GPR135: variants seen among roughly 807,000 people sequenced by gnomAD.
GPR135 encodes G-protein coupled receptor 135.
In GPR135, 17 loss-of-function variants were observed where a neutral mutation model predicts 15.0. That is an observed-to-expected ratio of 1.13 (90% CI 0.78 to 1.70). The LOEUF (loss-of-function observed/expected upper bound fraction) is 1.70. GPR135 is among the 40% of genes most tolerant of loss of function. The probability of loss-of-function intolerance (pLI) is 0.00; values close to 1 mark genes in which losing one functional copy is unlikely to be tolerated. For synonymous variants in GPR135, 368 were observed against 349.4 expected (o/e 1.05, Z -0.59); for missense variants, 776 against 727.0 (o/e 1.07, Z -0.78).
Position 59,462,809 on chromosome 14 carries a change from CCTT to C in GPR135, c.*930_*932del, listed in dbSNP as rs1888916912. ...AATTTAAATAAAGTGGCATCACTCA[CCTT>C]ATTCAATCAACTTGACTTCAAATTA... is the stretch of plus-strand genomic sequence containing the variant. On this transcript the variant is annotated 3_prime_UTR_variant, in exon 1 of 1. Transcript: ENST00000395116. 1 of 152,148 alleles carries C rather than the reference CCTT, an allele frequency of 6.6e-6. No individual in the cohort carries two copies. Among genetic ancestry groups the C allele is most frequent in the Non-Finnish European group, 1.5e-5 (1 of 68,018 alleles). 9.4% of individuals were successfully genotyped at this position (152,148 alleles called of 1,614,324 possible). A position where few individuals can be genotyped will look rare whatever the true frequency, so the allele number is the denominator to read the frequency against.
chr14:59,464,795 C>A lies in GPR135; in HGVS notation c.432G>T (p.Ser144=). The stretch of plus-strand genomic sequence containing the variant: ...CCGTGAGCAGATCCGATAGGGACAG[C>A]GACAGGATGAAGGCGTTGGTGACGG... The part of the protein sequence containing the change: ...LRTVTNAFIL[S]LSLSDLLTAL... The change falls in exon 1 of 1, where the codon TCG becomes TCT. Residue 144 remains serine (S), a synonymous_variant. Transcript: ENST00000395116. 10 of 1,577,486 alleles carry A rather than the reference C, an allele frequency of 6.3e-6. No homozygotes were observed. Among genetic ancestry groups the A allele is most frequent in the South Asian group, 1.2e-5 (1 of 86,414 alleles).
chr14:59,462,282 A>C lies in GPR135; in HGVS notation c.*1460T>G, dbSNP rs1170006182. 6.6e-6 allele frequency: 1 copy of C among 152,240 alleles called. No homozygotes were observed. The allele number at this position is 152,240 out of a possible 1,614,324, so 9.4% of individuals were successfully genotyped here. A position where few individuals can be genotyped will look rare whatever the true frequency, so the allele number is the denominator to read the frequency against. On this transcript the variant is annotated 3_prime_UTR_variant, in exon 1 of 1. Coordinates refer to ENST00000395116, the MANE Select transcript of GPR135 (RefSeq NM_022571.6). ...CTGAAGAAAAGGGGCAGGATGGAGG[A>C]AAAGAAAGGGAAAAATAATATTTAA...
downstream of GPR135, among the ~76,000 whole-genome samples, chr14:59,457,665 C>CT (rs901134400): frequency 6.6e-6 from 1 of 151,964 alleles, no homozygotes; most frequent in African/African-American, 2.4e-5. Context: ...TTCCATGTTT[C>CT]TTTTTTTATA....
chr14:59,463,798 G>A lies in GPR135; in HGVS notation c.1429C>T (p.Pro477Ser). 1 of 1,613,876 alleles carries A rather than the reference G, an allele frequency of 6.2e-7. No homozygotes were observed. The highest frequency in any genetic ancestry group is 1.7e-4 in the Middle Eastern group (1 of 6,060). ...VLFCREGPPE[P>S]VTAVTKQPKS... is the part of the protein sequence containing the mutation. Reference sequence around the variant, plus strand: ...GGCTGTTTGGTCACTGCCGTCACCGGCTCTGGTGGTCCCTCTCGGCAGAAA... The same window carrying A: ...GGCTGTTTGGTCACTGCCGTCACCGACTCTGGTGGTCCCTCTCGGCAGAAA... The change falls in exon 1 of 1, where the codon CCG (proline) becomes TCG (serine). Residue 477 changes from proline to serine, a missense_variant. Physicochemically the swap from Pro to Ser is moderately conservative, Grantham distance 74. Transcript: ENST00000395116.
chr14:59,456,668 G>T (rs1003957589), downstream of GPR135: 2 of 152,176 alleles, frequency 1.3e-5, no homozygotes, highest in African/African-American at 4.8e-5. Context: ...AATGTTTTAT[G>T]TGTAAGTTGC....
At chr14:59,460,000 G>A (rs1338446876), downstream of GPR135, among the ~76,000 whole-genome samples, 3 of 152,316 alleles carry the variant, frequency 2.0e-5, no homozygotes, top group South Asian at 6.2e-4. Context: ...TGTATCTGAT[G>A]TCTTCTATTT....
In GPR135 at chr14:59,465,145, C is replaced by T. The variant is rs1392419763; in HGVS notation, c.82G>A (p.Gly28Ser). ...GCGGAGGAAGTCCCGCCAGGTGGGC[C>T]GGCCGCGGAGGGGGCGCCGGAGTGC... ...SQHSGAPSAA[G>S]PPGGTSSAAT... The change falls in exon 1 of 1, where the codon GGC becomes AGC. Residue 28 changes from glycine (G) to serine (S), a missense_variant. Gly to Ser is a moderately conservative substitution (Grantham distance 56). Transcript: ENST00000395116. The T allele has an allele frequency of 7.4e-7, 1 of 1,353,588 alleles. No homozygotes were observed. The highest frequency in any genetic ancestry group is 9.5e-7 in the Non-Finnish European group (1 of 1,053,646). The allele number at this position is 1,353,588 out of a possible 1,614,324, so 83.8% of individuals were successfully genotyped here.
Position 59,465,246 on chromosome 14 carries a change from G to C in GPR135, c.-20C>G. The C allele has an allele frequency of 4.9e-6, 6 of 1,229,568 alleles. No individual in the cohort carries two copies. Among genetic ancestry groups the C allele is most frequent in the Non-Finnish European group, 5.1e-6 (5 of 986,394 alleles). 76.2% of individuals were successfully genotyped at this position (1,229,568 alleles called of 1,614,324 possible). The stretch of plus-strand genomic sequence containing the variant: ...CTCCATGGGGCCCAGTGGCGGCCGC[G>C]GATCTCCTCATCCCGCACCGGGGGC... On this transcript the variant is annotated 5_prime_UTR_variant, in exon 1 of 1. Transcript: ENST00000395116.
downstream of GPR135, chr14:59,458,769 C>A (rs939425700): frequency 1.3e-5 from 2 of 152,170 alleles, no homozygotes; most frequent in African/African-American, 4.8e-5. Flanking sequence ...CCCAGTATTC[C>A]CAGCATGCCA....
downstream of GPR135, chr14:59,460,234 A>G (rs991329804): frequency 2.6e-5 from 4 of 152,252 alleles, no homozygotes; most frequent in Non-Finnish European, 5.9e-5. Context: ...GTTCAGATGC[A>G]CTGGAGCAGG....
At chr14:59,456,097 T>C (rs941779625), downstream of GPR135, among the ~76,000 whole-genome samples, 2 of 152,184 alleles carry the variant, frequency 1.3e-5, no homozygotes, top group East Asian at 1.9e-4. Context: ...GCAAGTCATC[T>C]TGCAAACATA....
At position 59,453,958 on chromosome 14, in the gene GPR135, C is replaced by T. The variant is rs571432984; in HGVS notation, c.*874+1726G>A. 1.5e-4 allele frequency among the ~76,000 whole-genome samples: 23 copies of T among 152,258 alleles called. No homozygotes were observed. In the South Asian group the frequency reaches 4.8e-3, roughly 32 times the overall value. On this transcript the variant is annotated intron_variant and NMD_transcript_variant, in intron 6 of 6. Coordinates refer to the GPR135 transcript ENST00000481661. ...GCGGAAAACCAAGAAAGAGTAAAAACATGAACACCAGGACAAGAACATTTC... is the reference window on the plus strand; with the variant it reads ...GCGGAAAACCAAGAAAGAGTAAAAATATGAACACCAGGACAAGAACATTTC...
rs577378759 is a variant in GPR135 at position 59,463,628 on chromosome 14, G to A, written c.*114C>T. On this transcript the variant is annotated 3_prime_UTR_variant, in exon 1 of 1. Transcript: ENST00000395116. ...TTGGGGAAAGTGGTAAGCCTCCCCC[G>A]TCTCTAGCTTTAAATGTTTGGCTTT... 10 of 1,016,276 alleles carry A rather than the reference G, an allele frequency of 9.8e-6. No individual in the cohort carries two copies. The highest frequency in any genetic ancestry group is 2.6e-5 in the East Asian group (1 of 38,166). 63.0% of individuals were successfully genotyped at this position (1,016,276 alleles called of 1,614,324 possible).
Position 59,463,881 on chromosome 14 carries a change from G to C in GPR135, c.1346C>G (p.Pro449Arg). The C allele has an allele frequency of 6.2e-7, 1 of 1,614,112 alleles. No homozygotes were observed. The highest frequency in any genetic ancestry group is 8.5e-7 in the Non-Finnish European group (1 of 1,179,974). ...GACNRMSSSNPASGVAGDVAM... is the reference protein window; with the variant it reads ...GACNRMSSSNRASGVAGDVAM... ...CACGTCCCCTGCCACTCCGCTGGCC[G>C]GGTTGGAAGAGGACATCCTGTTGCA... is the stretch of plus-strand genomic sequence containing the variant. Residue 449 changes from proline (P) to arginine (R), a missense_variant, in exon 1 of 1, where the codon CCG becomes CGG. Coordinates refer to ENST00000395116, the MANE Select transcript of GPR135 (RefSeq NM_022571.6).
downstream of GPR135, among the ~76,000 whole-genome samples, chr14:59,457,382 A>G (rs1055371568): frequency 6.6e-6 from 1 of 152,112 alleles, no homozygotes; most frequent in Admixed American, 6.5e-5. Context: ...GGAAGTTTTC[A>G]ACCATTATTT....
chr14:59,459,190 G>A (rs1888767874), downstream of GPR135, among the ~76,000 whole-genome samples: 3 of 152,196 alleles, frequency 2.0e-5, no homozygotes, highest in Admixed American at 6.5e-5. Context: ...GGGATCCACA[G>A]AGCTCCTCAT....
Position 59,465,036 on chromosome 14 carries a change from G to A in GPR135, c.191C>T (p.Ala64Val). The A allele has an allele frequency of 7.5e-7, 1 of 1,342,044 alleles. No individual in the cohort carries two copies. The allele number at this position is 1,342,044 out of a possible 1,614,324, so 83.1% of individuals were successfully genotyped here. ...NLSDASGGGT[A>V]AAPGGGGLGG... ...AAGGCCGCCGCCACCGGGAGCGGCA[G>A]CTGTGCCGCCTCCGCTTGCGTCGCT... The change falls in exon 1 of 1, where the codon GCT (alanine) becomes GTT (valine). Residue 64 changes from alanine (A) to valine (V), a missense_variant. Transcript: ENST00000395116.
intron 6 of GPR135, among the ~76,000 whole-genome samples, chr14:59,455,084 G>A (rs1888609588): frequency 1.3e-5 from 2 of 151,462 alleles, no homozygotes; most frequent in Non-Finnish European, 2.9e-5. Context: ...TGGTGACAGA[G>A]TGAGACTCCA....
In GPR135 at chr14:59,464,979, G is replaced by T. The variant is rs3742646; in HGVS notation, c.248C>A (p.Ala83Glu). 1 of 1,461,600 alleles carries T rather than the reference G, an allele frequency of 6.8e-7. No homozygotes were observed. The highest frequency in any genetic ancestry group is 2.9e-5 in the East Asian group (1 of 34,724). 90.5% of individuals were successfully genotyped at this position (1,461,600 alleles called of 1,614,324 possible). The change falls in exon 1 of 1, where the codon GCG (alanine) becomes GAG (glutamate). Residue 83 changes from alanine (A) to glutamate (E), a missense_variant. By Grantham distance (107) the Ala-to-Glu change is moderately radical (BLOSUM62 -1). Transcript: ENST00000395116. Reference protein sequence around the residue: ...GGSGAAREAGAAVRRPLGPEA... With the variant: ...GGSGAAREAGEAVRRPLGPEA... ...CGGGCCTAGCGGCCGCCTCACCGCC[G>T]CCCCCGCCTCCCGCGCTGCCCCGGA...
Sources: allele counts gnomAD v4.1 joint callset (sites outside exome capture counted in the v4.1 genomes callset), GRCh38; gene constraint gnomAD v4.1.1; transcripts MANE v1.5; gene names NCBI Gene and HGNC (gene_info 2026-07-23, HGNC 2026-07-21).